Variants in THSD7B observed in about 807,000 individuals in gnomAD.
The protein encoded by THSD7B is thrombospondin type-1 domain-containing protein 7B.
A neutral mutation model predicts 213.6 loss-of-function variants in THSD7B; 138 were observed. The ratio of observed to expected loss-of-function variants is 0.65; its 90% CI spans 0.56 to 0.74. The LOEUF (loss-of-function observed/expected upper bound fraction) is 0.74. THSD7B is among the 30% of genes least tolerant of loss of function. The pLI is 0.00. For synonymous variants in THSD7B, 742 were observed against 687.0 expected (o/e 1.08, Z -1.25); for missense variants, 1,931 against 1,991.5 (o/e 0.97, Z 0.58).
intron 2 of THSD7B, among the ~76,000 whole-genome samples, chr2:136,921,435 G>A (rs539777589): frequency 6.8e-6 from 1 of 147,252 alleles, no homozygotes; most frequent in South Asian, 2.3e-4. Flanking sequence ...CACCATACAA[G>A]CCTGTGTCTA....
chr2:137,149,061 G>T (rs1159930053), intron 5 of THSD7B, among the ~76,000 whole-genome samples: 31 of 152,166 alleles, frequency 2.0e-4, no homozygotes, highest in Admixed American at 2.0e-3. Context: ...CCTGCTCTAT[G>T]CAGCCTCGAA....
chr2:137,354,583 G>A (rs1328185706), intron 12 of THSD7B, among the ~76,000 whole-genome samples: 2 of 151,964 alleles, frequency 1.3e-5, no homozygotes, highest in Non-Finnish European at 2.9e-5. Flanking sequence ...TTAGTATAAT[G>A]TACATCTAGC....
intron 1 of THSD7B, among the ~76,000 whole-genome samples, chr2:136,789,321 AT>A (rs1359793870): frequency 6.6e-5 from 10 of 151,850 alleles, no homozygotes; most frequent in Admixed American, 4.6e-4. Context: ...ACTTAGTTTT[AT>A]TTTTTTATTT....
intron 14 of THSD7B, among the ~76,000 whole-genome samples, chr2:137,437,406 G>A (rs1405421115): frequency 1.3e-5 from 2 of 152,184 alleles, no homozygotes; most frequent in Admixed American, 6.5e-5. Context: ...GATGATGATT[G>A]TAGAGAAATT....
At chr2:137,001,962 A>G (rs894326788) in intron 2 of THSD7B, among the ~76,000 whole-genome samples, 13 of 151,332 alleles carry the variant, frequency 8.6e-5, no homozygotes, top group African/African-American at 3.2e-4. Flanking sequence ...ATTCCTGTGT[A>G]TTTTCCTTTT....
chr2:137,045,860 C>A (rs910603138), intron 2 of THSD7B, among the ~76,000 whole-genome samples: 1 of 151,942 alleles, frequency 6.6e-6, no homozygotes, highest in African/African-American at 2.4e-5. Context: ...TATAGAGTTG[C>A]AACAAAGAAT....
At chr2:137,383,118 G>A (rs1293920045) in intron 12 of THSD7B, among the ~76,000 whole-genome samples, 2 of 152,182 alleles carry the variant, frequency 1.3e-5, no homozygotes, top group Non-Finnish European at 2.9e-5. Context: ...TGGCTAGTTG[G>A]CCACCAACCC....
chr2:137,425,931 T>A (rs1033374199), intron 14 of THSD7B, among the ~76,000 whole-genome samples: 1 of 152,076 alleles, frequency 6.6e-6, no homozygotes, highest in Admixed American at 6.6e-5. Flanking sequence ...TCATAGTATA[T>A]CCTAAATACT....
intron 3 of THSD7B, among the ~76,000 whole-genome samples, chr2:137,080,168 A>ATGTGTG (rs36115074): frequency 1.3e-3 from 190 of 148,318 alleles, no homozygotes; most frequent in African/African-American, 4.5e-3. Context: ...ATGTAAATAT[A>ATGTGTG]TGTGTGTGTG....
chr2:137,035,562 G>GTT (rs566984360), intron 2 of THSD7B, among the ~76,000 whole-genome samples: 5 of 144,642 alleles, frequency 3.5e-5, no homozygotes, highest in African/African-American at 1.0e-4. Context: ...GTTTTGTTTT[G>GTT]TTTTTTTTTT....
At chr2:136,954,216 T>C (rs1685085714) in intron 2 of THSD7B, among the ~76,000 whole-genome samples, 1 of 152,158 alleles carries the variant, frequency 6.6e-6, no homozygotes, top group Admixed American at 6.5e-5. Flanking sequence ...TGCTGTGGAA[T>C]TTAATGAGTC....
chr2:137,644,698 G>A (rs1682997818), intron 21 of THSD7B, among the ~76,000 whole-genome samples: 1 of 152,040 alleles, frequency 6.6e-6, no homozygotes, highest in Admixed American at 6.6e-5. Context: ...GGGCCTTTTT[G>A]CACAAAGGAA....
chr2:137,341,049 C>G (rs1199894059), intron 12 of THSD7B, among the ~76,000 whole-genome samples: 1 of 145,348 alleles, frequency 6.9e-6, no homozygotes, highest in African/African-American at 2.5e-5. Flanking sequence ...TATAATTTAC[C>G]TTCCCACCAA....
In THSD7B at chr2:137,125,493, G is replaced by A. The variant is rs79126164; in HGVS notation, c.1369+10200G>A. ...CTGCAGCAATTCAGTCACATCTTTA[G>A]GCTCCACTTCAAATTCTAGTTCTCT... On this transcript the variant is annotated intron_variant, in intron 5 of 27. Transcript: ENST00000409968. 4.2e-3 allele frequency among the ~76,000 whole-genome samples: 644 copies of A among 152,220 alleles called. 3 individuals are homozygous for A. The highest frequency in any genetic ancestry group is 0.015 in the African/African-American group (618 of 41,526).
chr2:136,985,798 G>A (rs183504797), intron 2 of THSD7B, among the ~76,000 whole-genome samples: 30 of 152,316 alleles, frequency 2.0e-4, no homozygotes, highest in Admixed American at 1.1e-3. Context: ...AAGCCACAGC[G>A]TTGGAAAACT....
rs138741976 is a variant in THSD7B, at chr2:137,582,324, G to T, written c.3423+9768G>T. 2.5e-3 allele frequency among the ~76,000 whole-genome samples: 383 copies of T among 152,050 alleles called. 3 individuals are homozygous for T. The highest frequency in any genetic ancestry group is 8.7e-3 in the African/African-American group (363 of 41,496). ...ATTCTTTAAACTAGTTTTGTTAAAT[G>T]TAGGAAATAGTTATTTGACTTTTTT... On this transcript the variant is annotated intron_variant, in intron 17 of 27. Coordinates refer to ENST00000409968, the MANE Select transcript of THSD7B (RefSeq NM_001316349.2).
At chr2:137,517,273 A>G (rs1177731456) in intron 15 of THSD7B, among the ~76,000 whole-genome samples, 2 of 152,252 alleles carry the variant, frequency 1.3e-5, no homozygotes, top group African/African-American at 4.8e-5. Flanking sequence ...TGCTTCCACA[A>G]GATATCACAC....
At chr2:136,998,657 C>T (rs1210224449) in intron 2 of THSD7B, among the ~76,000 whole-genome samples, 1 of 152,082 alleles carries the variant, frequency 6.6e-6, no homozygotes, top group Non-Finnish European at 1.5e-5. Flanking sequence ...TGTCCTGTTA[C>T]CTAGCATAGA....
chr2:137,514,195 T>C (rs1680024084), intron 15 of THSD7B, among the ~76,000 whole-genome samples: 1 of 152,328 alleles, frequency 6.6e-6, no homozygotes, highest in East Asian at 1.9e-4. Context: ...TGCAAACTAC[T>C]GTTCCTGGGT....
Sources: gnomAD v4.1 joint callset for allele counts (sites outside exome capture counted in the v4.1 genomes callset) on GRCh38, gnomAD v4.1.1 for gene constraint, MANE v1.5 for transcripts, NCBI Gene and HGNC (gene_info 2026-07-23, HGNC 2026-07-21) for gene names.